Variants in CCDC171 observed in about 807,000 individuals in gnomAD.
CCDC171 encodes coiled-coil domain-containing protein 171.
A neutral mutation model predicts 168.2 loss-of-function variants in CCDC171; 177 were observed. The observed-to-expected ratio is 1.05, with a 90% CI of 0.93 to 1.19. The LOEUF (loss-of-function observed/expected upper bound fraction) is 1.19, where lower values mean the gene tolerates loss of function less well. Ranked by LOEUF, CCDC171 falls within the 50% of genes most tolerant of loss-of-function variation. The pLI is 0.00. For synonymous variants in CCDC171, 687 were observed against 540.8 expected (o/e 1.27, Z -3.75); for missense variants, 1,991 against 1,539.0 (o/e 1.29, Z -4.91).
At chr9:15,689,446 C>T (rs925860299) in intron 10 of CCDC171, among the ~76,000 whole-genome samples, 2 of 152,202 alleles carry the variant, frequency 1.3e-5, no homozygotes, top group Admixed American at 6.5e-5. Flanking sequence ...CACAGTGGCT[C>T]ATGCCTGTAA....
intron 11 of CCDC171, among the ~76,000 whole-genome samples, chr9:15,708,826 G>A (rs1251214751): frequency 6.6e-6 from 1 of 152,168 alleles, no homozygotes; most frequent in African/African-American, 2.4e-5. Flanking sequence ...AATAGGAACT[G>A]TGTACACTCA....
At chr9:15,645,032 T>A (rs1244075772) in intron 7 of CCDC171, among the ~76,000 whole-genome samples, 1 of 152,178 alleles carries the variant, frequency 6.6e-6, no homozygotes, top group African/African-American at 2.4e-5. Flanking sequence ...TGGGTACCCC[T>A]CTGTGACGAA....
chr9:15,741,002 G>T (rs546302504), intron 16 of CCDC171, among the ~76,000 whole-genome samples: 1 of 151,962 alleles, frequency 6.6e-6, no homozygotes, highest in Non-Finnish European at 1.5e-5. Context: ...TACATTTCAG[G>T]CCAAATTGAT....
At chr9:15,823,249 C>T (rs1588696183) in intron 21 of CCDC171, among the ~76,000 whole-genome samples, 1 of 152,100 alleles carries the variant, frequency 6.6e-6, no homozygotes, top group Non-Finnish European at 1.5e-5. Context: ...GGGTGCAGCA[C>T]ACCAACATGG....
At chr9:16,085,887 A>T in the CCDC171 span, among the ~76,000 whole-genome samples, 1 of 152,190 alleles carries the variant, frequency 6.6e-6, no homozygotes, top group Non-Finnish European at 1.5e-5. Context: ...ATTCTCTTTT[A>T]AAAATTGCCT....
chr9:15,914,176 T>C (rs530958125), intron 24 of CCDC171, among the ~76,000 whole-genome samples: 1 of 152,200 alleles, frequency 6.6e-6, no homozygotes, highest in Non-Finnish European at 1.5e-5. Flanking sequence ...AGTGCTGTGC[T>C]GGGAGATCTG....
chr9:15,761,786 A>AT (rs2056459132), intron 18 of CCDC171, among the ~76,000 whole-genome samples: 1 of 152,090 alleles, frequency 6.6e-6, no homozygotes, highest in Non-Finnish European at 1.5e-5. Context: ...TAACTTACAG[A>AT]TTTTTACAAA....
intron 4 of CCDC171, among the ~76,000 whole-genome samples, chr9:15,585,973 C>T (rs907325420): frequency 6.6e-6 from 1 of 151,978 alleles, no homozygotes; most frequent in Non-Finnish European, 1.5e-5. Context: ...GAGACTCTGT[C>T]TCAAAAAAAC....
intron 11 of CCDC171, among the ~76,000 whole-genome samples, chr9:15,711,086 G>T (rs2052629627): frequency 6.6e-6 from 1 of 152,042 alleles, no homozygotes; most frequent in South Asian, 2.1e-4. Context: ...TGTATCTGTT[G>T]TTCTAGTATA....
chr9:16,102,154 A>C, the CCDC171 span, among the ~76,000 whole-genome samples: 1 of 152,294 alleles, frequency 6.6e-6, no homozygotes, highest in East Asian at 1.9e-4. Context: ...CAGTAAAGGA[A>C]ACAGATGCAC....
intron 11 of CCDC171, among the ~76,000 whole-genome samples, chr9:15,715,250 A>C (rs1178618582): frequency 1.3e-5 from 2 of 152,230 alleles, no homozygotes; most frequent in Admixed American, 1.3e-4. Context: ...TACATAATAA[A>C]TACTTTCCAT....
intron 25 of CCDC171, among the ~76,000 whole-genome samples, chr9:15,967,407 G>T (rs2132733617): frequency 6.6e-6 from 1 of 152,320 alleles, no homozygotes; most frequent in East Asian, 1.9e-4. Context: ...CATCTAAATT[G>T]TGGCTAATCT....
intron 10 of CCDC171, among the ~76,000 whole-genome samples, chr9:15,685,634 C>T (rs2050341352): frequency 6.8e-6 from 1 of 148,056 alleles, no homozygotes; most frequent in African/African-American, 2.5e-5. Context: ...GACCCTGTCT[C>T]AAAAAAAAAG....
At chr9:15,685,314 G>C (rs2050312650) in intron 10 of CCDC171, among the ~76,000 whole-genome samples, 1 of 152,064 alleles carries the variant, frequency 6.6e-6, no homozygotes, top group African/African-American at 2.4e-5. Context: ...AGAACTACCA[G>C]CTTTGGAAAC....
At chr9:15,759,082 T>A (rs1489613029) in intron 18 of CCDC171, among the ~76,000 whole-genome samples, 2 of 152,170 alleles carry the variant, frequency 1.3e-5, no homozygotes, top group Non-Finnish European at 2.9e-5. Context: ...CATTTGAATA[T>A]GTTCTTCCAA....
intron 7 of CCDC171, among the ~76,000 whole-genome samples, chr9:15,649,708 C>T (rs1054951165): frequency 2.0e-5 from 3 of 152,178 alleles, no homozygotes; most frequent in African/African-American, 7.2e-5. Context: ...GATACCATCT[C>T]ACACCAGTTA....
At chr9:15,994,922 C>G (rs747328790) in intron 3 of CCDC171, among the ~76,000 whole-genome samples, 5 of 152,264 alleles carry the variant, frequency 3.3e-5, no homozygotes, top group Non-Finnish European at 5.9e-5. Flanking sequence ...CATAATTTTT[C>G]TCCTTCAAAG....
chr9:15,943,444 T>A (rs1410388150), intron 25 of CCDC171, among the ~76,000 whole-genome samples: 1 of 152,032 alleles, frequency 6.6e-6, no homozygotes. Flanking sequence ...GTTATTGATA[T>A]GAAATAATTT....
chr9:15,630,907 G>A (rs546838704), intron 7 of CCDC171, among the ~76,000 whole-genome samples: 4,386 of 152,184 alleles, frequency 0.029, 205 homozygotes, highest in African/African-American at 0.1. Flanking sequence ...TGAACAACCT[G>A]CTCCTGAATG....
Sources: gnomAD v4.1 joint callset for allele counts (sites outside exome capture counted in the v4.1 genomes callset) on GRCh38, gnomAD v4.1.1 for gene constraint, MANE v1.5 for transcripts, NCBI Gene and HGNC (gene_info 2026-07-23, HGNC 2026-07-21) for gene names.